Variants in LRMDA observed in about 807,000 individuals in gnomAD.
The protein encoded by LRMDA is leucine rich melanocyte differentiation associated.
In LRMDA, 18 loss-of-function variants were observed where a neutral mutation model predicts 29.8. The observed-to-expected ratio is 0.60, with a 90% CI of 0.42 to 0.90. LRMDA has a LOEUF of 0.90. LRMDA is among the 40% of genes least tolerant of loss of function. LRMDA has a pLI of 0.00. For synonymous variants in LRMDA, 125 were observed against 109.4 expected, an observed-to-expected ratio of 1.14 and a Z score of -0.89; for missense variants, 273 against 273.9, an observed-to-expected ratio of 1.00 and a Z score of 0.02.
intron 2 of LRMDA, among the ~76,000 whole-genome samples, chr10:75,824,602 G>A (rs956429220): frequency 2.0e-5 from 3 of 152,222 alleles, no homozygotes; most frequent in African/African-American, 7.2e-5. Flanking sequence ...CTTAGGTAAG[G>A]AAGAGAGAAC....
intron 2 of LRMDA, among the ~76,000 whole-genome samples, chr10:75,784,326 A>G (rs1463528572): frequency 8.5e-5 from 13 of 152,226 alleles, no homozygotes; most frequent in Admixed American, 8.5e-4. Flanking sequence ...ATTAGTATAT[A>G]CAAAACAAAA....
intron 2 of LRMDA, among the ~76,000 whole-genome samples, chr10:75,937,998 TA>T (rs1434827584): frequency 6.6e-6 from 1 of 152,192 alleles, no homozygotes; most frequent in East Asian, 1.9e-4. Flanking sequence ...CGCATAAAAC[TA>T]ATGTTCTTAG....
At chr10:75,986,690 G>A (rs1346877170) in intron 2 of LRMDA, among the ~76,000 whole-genome samples, 1 of 152,226 alleles carries the variant, frequency 6.6e-6, no homozygotes, top group Non-Finnish European at 1.5e-5. Flanking sequence ...GTCTAGTCTT[G>A]GATGTTGTAA....
At chr10:75,918,798 A>C (rs1465565873) in intron 2 of LRMDA, among the ~76,000 whole-genome samples, 1 of 152,220 alleles carries the variant, frequency 6.6e-6, no homozygotes, top group East Asian at 1.9e-4. Flanking sequence ...TGAGGCCTTC[A>C]TGGGAACCTG....
chr10:76,431,901 C>T (rs1842194574), intron 6 of LRMDA, among the ~76,000 whole-genome samples: 1 of 152,184 alleles, frequency 6.6e-6, no homozygotes, highest in Non-Finnish European at 1.5e-5. Context: ...GTACAAGCTC[C>T]CTTCTCTTGT....
chr10:75,988,986 C>G (rs1172195482), intron 2 of LRMDA, among the ~76,000 whole-genome samples: 1 of 152,176 alleles, frequency 6.6e-6, no homozygotes, highest in Non-Finnish European at 1.5e-5. Context: ...TCTCCCACCC[C>G]AGCTACCTCT....
intron 2 of LRMDA, among the ~76,000 whole-genome samples, chr10:75,682,185 C>A (rs995135582): frequency 6.6e-6 from 1 of 152,164 alleles, no homozygotes; most frequent in African/African-American, 2.4e-5. Flanking sequence ...TTCCACGCAG[C>A]AGAAAACCAC....
At chr10:76,359,644 A>G (rs1841286846) in intron 6 of LRMDA, among the ~76,000 whole-genome samples, 1 of 152,192 alleles carries the variant, frequency 6.6e-6, no homozygotes, top group Non-Finnish European at 1.5e-5. Context: ...AGAGATCCCC[A>G]TATTCCCGTG....
At chr10:76,471,909 C>T (rs1842621602) in intron 6 of LRMDA, among the ~76,000 whole-genome samples, 1 of 151,676 alleles carries the variant, frequency 6.6e-6, no homozygotes, top group South Asian at 2.1e-4. Flanking sequence ...TACATAGCCA[C>T]AGAGCCCCAA....
intron 5 of LRMDA, among the ~76,000 whole-genome samples, chr10:76,166,979 G>A (rs1306782832): frequency 6.6e-6 from 1 of 151,630 alleles, no homozygotes; most frequent in African/African-American, 2.4e-5. Flanking sequence ...TTGTTCGTTT[G>A]ACTTTTTATA....
At chr10:76,525,354 A>G (rs1313822731) in intron 6 of LRMDA, among the ~76,000 whole-genome samples, 3 of 152,176 alleles carry the variant, frequency 2.0e-5, no homozygotes, top group Non-Finnish European at 4.4e-5. Context: ...AAACCGAAGC[A>G]TGGCTCACTG....
rs567235597 is a variant in LRMDA at position 76,147,638 on chromosome 10, C to T, written c.516+88855C>T. Among the ~76,000 whole-genome samples the T allele has an allele frequency of 3.0e-4, 45 of 151,924 alleles. 1 individual carries two copies. In the East Asian group the frequency reaches 8.8e-3, roughly 30 times the overall value. The stretch of plus-strand genomic sequence containing the variant: ...CTTTGCTATTGGTTCGAATTTCCTC[C>T]TGTAGCTCAGAGTAGTTTGATCGTC... On this transcript the variant is annotated intron_variant, in intron 5 of 6. Coordinates refer to ENST00000611255, the MANE Select transcript of LRMDA (RefSeq NM_001305581.2).
chr10:76,478,342 A>G lies in LRMDA; in HGVS notation c.602-78867A>G, dbSNP rs1338559976. On this transcript the variant is annotated intron_variant, in intron 6 of 6. Transcript: ENST00000611255. ...TCAGAGAAATGCAAATCAAAACCCA[A>G]TGAGATACCATCTCACACCAGTTCG... Among the ~76,000 whole-genome samples the G allele has an allele frequency of 3.3e-5, 5 of 152,288 alleles. No homozygotes were observed. In the East Asian group the frequency reaches 9.7e-4, roughly 29 times the overall value.
chr10:76,168,069 A>C (rs988502889), intron 5 of LRMDA, among the ~76,000 whole-genome samples: 5 of 152,098 alleles, frequency 3.3e-5, no homozygotes, highest in Non-Finnish European at 5.9e-5. Context: ...ACTTGGGACC[A>C]ATTTTAGGAA....
chr10:75,877,630 C>T (rs963435516), intron 2 of LRMDA, among the ~76,000 whole-genome samples: 6 of 152,188 alleles, frequency 3.9e-5, no homozygotes, highest in Admixed American at 6.5e-5. Flanking sequence ...CCTAGTCTAA[C>T]AGGCAAACTA....
At chr10:75,667,099 A>G (rs1457719816) in intron 2 of LRMDA, among the ~76,000 whole-genome samples, 1 of 152,178 alleles carries the variant, frequency 6.6e-6, no homozygotes, top group Non-Finnish European at 1.5e-5. Context: ...ACTGTGTGCT[A>G]TAATATTGAA....
intron 2 of LRMDA, among the ~76,000 whole-genome samples, chr10:75,806,723 T>C: frequency 6.6e-6 from 1 of 151,236 alleles, no homozygotes; most frequent in Non-Finnish European, 1.5e-5. Context: ...CTCAATCACC[T>C]GTGATTACAG....
At chr10:75,984,489 G>A (rs968740767) in intron 2 of LRMDA, among the ~76,000 whole-genome samples, 10 of 152,214 alleles carry the variant, frequency 6.6e-5, no homozygotes, top group African/African-American at 2.2e-4. Context: ...GGCTGGTCAC[G>A]GTCCAAGGGA....
chr10:75,976,507 T>C (rs997301706), intron 2 of LRMDA, among the ~76,000 whole-genome samples: 1 of 152,242 alleles, frequency 6.6e-6, no homozygotes, highest in Non-Finnish European at 1.5e-5. Flanking sequence ...CAGTAGAGTA[T>C]AAACTCCATG....
Sources: gnomAD v4.1 joint callset for allele counts (sites outside exome capture counted in the v4.1 genomes callset) on GRCh38, gnomAD v4.1.1 for gene constraint, MANE v1.5 for transcripts, NCBI Gene and HGNC (gene_info 2026-07-23, HGNC 2026-07-21) for gene names.